The following NOL4L variants were observed in gnomAD, a reference collection of about 807,000 sequenced individuals.
NOL4L encodes the protein nucleolar protein 4 like.
NOL4L carries 7 observed loss-of-function variants against 64.5 expected under a neutral mutation model. The ratio of observed to expected loss-of-function variants is 0.11; its 90% CI spans 0.06 to 0.20. The LOEUF (loss-of-function observed/expected upper bound fraction) is 0.20. Ranked by LOEUF, NOL4L falls within the 10% of genes least tolerant of loss-of-function variation. The probability of loss-of-function intolerance (pLI) is 1.00; values close to 1 mark genes in which losing one functional copy is unlikely to be tolerated. For missense variants in NOL4L, 680 were observed against 967.1 expected (o/e 0.70, Z 3.94); for synonymous variants, 413 against 401.0 (o/e 1.03, Z -0.36).
chr20:32,531,973 A>G (rs1377137825), intron 1 of NOL4L, among the ~76,000 whole-genome samples: 1 of 152,208 alleles, frequency 6.6e-6, no homozygotes, highest in East Asian at 1.9e-4. Flanking sequence ...ACTTGGAATA[A>G]GCTTTCCAAA....
chr20:32,502,570 C>T (rs956445690), intron 4 of NOL4L, among the ~76,000 whole-genome samples: 7 of 148,542 alleles, frequency 4.7e-5, no homozygotes, highest in East Asian at 2.0e-4. Flanking sequence ...GCCTAGGTGA[C>T]GGTGAGACTC....
intron 5 of NOL4L, among the ~76,000 whole-genome samples, chr20:32,473,480 C>T (rs1039514277): frequency 2.0e-5 from 3 of 152,148 alleles, no homozygotes; most frequent in African/African-American, 4.8e-5. Context: ...TTTTCTTTGC[C>T]GGCAGCCACG....
rs187071722 is a variant in NOL4L at position 32,499,393 on chromosome 20, G to A, written c.699+11954C>T. 1.5e-3 allele frequency among the ~76,000 whole-genome samples: 225 copies of A among 152,216 alleles called. 1 individual carries two copies. Among genetic ancestry groups the A allele is most frequent in the African/African-American group, 5.1e-3 (210 of 41,534 alleles). ...ATGTGGTCAGATCAGTGGTGCTGCT[G>A]CAGTATTTTTCCTCCACCAAAAAGC... On this transcript the variant is annotated intron_variant, in intron 4 of 10. Transcript: ENST00000621426.
At chr20:32,455,703 T>C (rs1458859333) in intron 6 of NOL4L, among the ~76,000 whole-genome samples, 1 of 152,328 alleles carries the variant, frequency 6.6e-6, no homozygotes, top group Non-Finnish European at 1.5e-5. Context: ...CCTCGCCCTT[T>C]TTTCGCACGA....
chr20:32,484,687 G>A (rs971415787), intron 4 of NOL4L, among the ~76,000 whole-genome samples: 1 of 152,070 alleles, frequency 6.6e-6, no homozygotes, highest in African/African-American at 2.4e-5. Flanking sequence ...TAATCTCGGG[G>A]ACGTCGCTCC....
intron 4 of NOL4L, among the ~76,000 whole-genome samples, chr20:32,503,727 AC>A (rs1268530508): frequency 2.0e-5 from 3 of 152,248 alleles, no homozygotes. Context: ...TCTGCCTCTT[AC>A]AGCAAAGCTT....
In NOL4L at chr20:32,488,965, C is replaced by CTTT. The variant is rs1174304651; in HGVS notation, c.700-14226_700-14224dup. On this transcript the variant is annotated intron_variant, in intron 4 of 10. Coordinates refer to ENST00000621426, the MANE Select transcript of NOL4L (RefSeq NM_001256798.2). ...CCATTTCTCTATTTGAATTGTTGGT[C>CTTT]TTTTTTTTTTTTTTTTTTTGGTAAG... 3.8e-4 allele frequency among the ~76,000 whole-genome samples: 17 copies of CTTT among 45,082 alleles called. 2 individuals carry two copies. Among genetic ancestry groups the CTTT allele is most frequent in the African/African-American group, 2.1e-3 (16 of 7,576 alleles). The allele number at this position is 45,082 out of a possible 152,430, so 29.6% of individuals were successfully genotyped here.
At chr20:32,521,838 G>A (rs151004566) in intron 2 of NOL4L, among the ~76,000 whole-genome samples, 5 of 152,314 alleles carry the variant, frequency 3.3e-5, no homozygotes, top group African/African-American at 1.2e-4. Context: ...CCCAGTTACT[G>A]GTTTTCCATG....
At chr20:32,512,627 CTG>C (rs895551500) in intron 3 of NOL4L, among the ~76,000 whole-genome samples, 2 of 152,172 alleles carry the variant, frequency 1.3e-5, no homozygotes, top group African/African-American at 4.8e-5. Context: ...TATTTTTTCC[CTG>C]TGATTTTTCT....
chr20:32,499,622 C>T (rs144089018), intron 4 of NOL4L, among the ~76,000 whole-genome samples: 2,606 of 151,184 alleles, frequency 0.017, 80 homozygotes, highest in African/African-American at 0.061. Context: ...ATCTGTAGTC[C>T]CAGCTACTCA....
chr20:32,534,209 G>A (rs928991698), intron 1 of NOL4L, among the ~76,000 whole-genome samples: 5 of 152,178 alleles, frequency 3.3e-5, no homozygotes, highest in South Asian at 2.1e-4. Context: ...GGGTTTCTCC[G>A]ATGGTAGAAG....
intron 4 of NOL4L, among the ~76,000 whole-genome samples, chr20:32,502,466 G>A (rs1170843578): frequency 1.1e-4 from 17 of 151,620 alleles, no homozygotes; most frequent in Admixed American, 8.6e-4. Flanking sequence ...GGTGGCAGGC[G>A]CCTGTAATTC....
intron 5 of NOL4L, among the ~76,000 whole-genome samples, chr20:32,457,700 C>T (rs893908033): frequency 2.0e-5 from 3 of 152,168 alleles, no homozygotes; most frequent in Non-Finnish European, 4.4e-5. Flanking sequence ...GCAGCAGGTC[C>T]CCTGGGCCAG....
intron 1 of NOL4L, among the ~76,000 whole-genome samples, chr20:32,556,070 T>C (rs1978629535): frequency 6.6e-6 from 1 of 152,210 alleles, no homozygotes; most frequent in Non-Finnish European, 1.5e-5. Context: ...GGGTCTGCCT[T>C]GGTCTCTGCA....
chr20:32,535,717 C>T, intron 1 of NOL4L: 1 of 985,366 alleles, frequency 1.0e-6, no homozygotes, highest in Non-Finnish European at 1.2e-6. Context: ...TTTTCTCTTT[C>T]TTTTGGGTTT....
rs2013200081 is a variant in NOL4L at position 32,453,914 on chromosome 20, C to A, written c.1120-153G>T. 3.0e-6 allele frequency: 2 copies of A among 666,270 alleles called. No individual in the cohort carries two copies. Among genetic ancestry groups the A allele is most frequent in the African/African-American group, 1.8e-5 (1 of 55,228 alleles). The allele number at this position is 666,270 out of a possible 1,614,324, so 41.3% of individuals were successfully genotyped here. On this transcript the variant is annotated intron_variant, in intron 6 of 10. Coordinates refer to ENST00000621426, the MANE Select transcript of NOL4L (RefSeq NM_001256798.2). This position sits in a 1 kb window ranked among gnomAD's most constrained non-coding sequence, Gnocchi z 5.6. ...GCGAGGCCCTGAGCAAGTCACTCCCCTCTTCTGCTCCCTTCATCTGTGCAA... is the reference window on the plus strand; with the variant it reads ...GCGAGGCCCTGAGCAAGTCACTCCCATCTTCTGCTCCCTTCATCTGTGCAA...
chr20:32,488,806 T>C (rs1334035358), intron 4 of NOL4L, among the ~76,000 whole-genome samples: 5 of 18,776 alleles, frequency 2.7e-4, no homozygotes, highest in Non-Finnish European at 3.7e-4. Context: ...TTTCTTTCTT[T>C]TTCTTTCTTT....
chr20:32,488,831 CTTTCTTTCTTTCTT>C (rs2016297889), intron 4 of NOL4L, among the ~76,000 whole-genome samples: 1 of 34,826 alleles, frequency 2.9e-5, no homozygotes, highest in Non-Finnish European at 4.9e-5. Flanking sequence ...CTTTCTTTTT[CTTTCTTTCTTTCTT>C]TCTTTCTTTC....
At chr20:32,493,726 C>G (rs1326844032) in intron 4 of NOL4L, among the ~76,000 whole-genome samples, 1 of 152,168 alleles carries the variant, frequency 6.6e-6, no homozygotes, top group African/African-American at 2.4e-5. Context: ...ATTTATTGAG[C>G]CCCTACTATG....
Sources: gnomAD v4.1 joint callset for allele counts (sites outside exome capture counted in the v4.1 genomes callset) on GRCh38, gnomAD v4.1.1 for gene constraint, Gnocchi (gnomAD v3.1) non-coding constraint, MANE v1.5 for transcripts, NCBI Gene and HGNC (gene_info 2026-07-23, HGNC 2026-07-21) for gene names.